Variants in USP46 observed in about 807,000 individuals in gnomAD.
USP46 encodes the protein ubiquitin carboxyl-terminal hydrolase 46.
A neutral mutation model predicts 44.4 loss-of-function variants in USP46; 12 were observed. That is an observed-to-expected ratio of 0.27 (90% confidence interval 0.17 to 0.44). The LOEUF (loss-of-function observed/expected upper bound fraction) is 0.44. USP46 is among the 20% of genes least tolerant of loss of function. USP46 has a pLI of 1.00. For missense variants in USP46, 248 were observed against 444.8 expected (o/e 0.56, Z 3.98); for synonymous variants, 155 against 161.5 (o/e 0.96, Z 0.31).
intron 1 of USP46, chr4:52,656,165 A>G: frequency 1.2e-6 from 1 of 840,674 alleles, no homozygotes; most frequent in South Asian, 1.6e-5. Context: ...GTGCTTAAGA[A>G]AAAAATGCAA....
intron 4 of USP46, among the ~76,000 whole-genome samples, chr4:52,619,897 G>GA (rs1308286946): frequency 6.6e-6 from 1 of 152,148 alleles, no homozygotes; most frequent in Non-Finnish European, 1.5e-5. Context: ...TAACTCCAGA[G>GA]AAAAAACACT....
chr4:52,601,713 T>C, intron 7 of USP46, 144 bp downstream of exon 7: 1 of 693,062 alleles, frequency 1.4e-6, no homozygotes, highest in Non-Finnish European at 2.2e-6. Flanking sequence ...TGTTTATATA[T>C]TTTTTGTGAT....
chr4:52,610,364 C>T (rs534225128), intron 5 of USP46, among the ~76,000 whole-genome samples, 177 bp downstream of exon 5: 1 of 152,058 alleles, frequency 6.6e-6, no homozygotes, highest in Non-Finnish European at 1.5e-5. Flanking sequence ...GCTCTTTTTT[C>T]TCAGTGGGAC....
intron 1 of USP46, chr4:52,658,262 CCAAGGG>C (rs1352589034): frequency 8.8e-6 from 4 of 456,052 alleles, no homozygotes. Flanking sequence ...GCCTGGGGAC[CCAAGGG>C]CTGGAGGTTC....
intron 1 of USP46, among the ~76,000 whole-genome samples, chr4:52,658,499 C>G (rs1026982273): frequency 1.3e-5 from 2 of 152,170 alleles, no homozygotes; most frequent in Non-Finnish European, 2.9e-5. Context: ...CGCCACAGAG[C>G]CTTGTCCCTT....
chr4:52,642,991 C>A (rs539443541), intron 1 of USP46, among the ~76,000 whole-genome samples: 1 of 151,826 alleles, frequency 6.6e-6, no homozygotes, highest in Admixed American at 6.5e-5. Flanking sequence ...TGTAGCTTAT[C>A]TCTTGGTAAC....
intron 1 of USP46, among the ~76,000 whole-genome samples, chr4:52,638,953 T>C (rs965668118): frequency 3.9e-5 from 6 of 152,306 alleles, no homozygotes; most frequent in East Asian, 3.9e-4. Context: ...ACTCTAAGAA[T>C]TGGTTTCCAT....
chr4:52,616,548 T>C (rs1379769368), intron 4 of USP46, among the ~76,000 whole-genome samples: 1 of 152,090 alleles, frequency 6.6e-6, no homozygotes, highest in East Asian at 1.9e-4. Context: ...AATTTTTGTA[T>C]TTTTCGTAGA....
chr4:52,658,278 C>A (rs547837951), intron 1 of USP46: 1 of 456,230 alleles, frequency 2.2e-6, no homozygotes, highest in African/African-American at 2.0e-5. Context: ...GCTGGAGGTT[C>A]TTCCTACAGA....
intron 4 of USP46, among the ~76,000 whole-genome samples, chr4:52,616,096 A>C (rs1338987154): frequency 6.6e-6 from 1 of 152,204 alleles, no homozygotes; most frequent in South Asian, 2.1e-4. Flanking sequence ...AACAACTGCC[A>C]AATATTCTTT....
chr4:52,610,070 C>T (rs904065508), intron 5 of USP46, among the ~76,000 whole-genome samples: 5 of 149,298 alleles, frequency 3.3e-5, no homozygotes, highest in Admixed American at 1.3e-4. Flanking sequence ...GGACTACAGG[C>T]GCGCGCCACC....
intron 1 of USP46, among the ~76,000 whole-genome samples, chr4:52,636,705 CAAAAAAAAA>C (rs1182691689): frequency 2.8e-5 from 1 of 36,148 alleles, no homozygotes. Flanking sequence ...GACTCTGTCT[CAAAAAAAAA>C]AAAAAAAAAA....
chr4:52,630,938 G>A, intron 2 of USP46, 126 bp downstream of exon 2: 1 of 749,862 alleles, frequency 1.3e-6, no homozygotes, highest in Non-Finnish European at 2.2e-6. Context: ...CCCAATATTG[G>A]CATTCTACTA....
At chr4:52,636,218 C>A (rs1268887387) in intron 1 of USP46, among the ~76,000 whole-genome samples, 1 of 152,072 alleles carries the variant, frequency 6.6e-6, no homozygotes. Flanking sequence ...CTCACCCTCA[C>A]TGGCTTTGAA....
chr4:52,608,083 G>A (rs930263516), intron 5 of USP46, among the ~76,000 whole-genome samples: 9 of 152,142 alleles, frequency 5.9e-5, no homozygotes, highest in African/African-American at 2.2e-4. Flanking sequence ...AGGAAGGAAG[G>A]AGGGAAGGAA....
Position 52,595,489 on chromosome 4 carries a change from T to C in USP46, c.*2151A>G, listed in dbSNP as rs892406266. 4 of 152,432 alleles carry C rather than the reference T, an allele frequency of 2.6e-5. No individual in the cohort carries two copies. Among genetic ancestry groups the C allele is most frequent in the Non-Finnish European group, 4.4e-5 (3 of 68,038 alleles). 9.4% of individuals were successfully genotyped at this position (152,432 alleles called of 1,614,324 possible). A position where few individuals can be genotyped will look rare whatever the true frequency, so the allele number is the denominator to read the frequency against. ...CAATATTTTCTTATACTTACCCTTT[T>C]TCGTTCCAAAAATCTATCCATGAAT... On this transcript the variant is annotated 3_prime_UTR_variant, in exon 9 of 9. Coordinates refer to ENST00000441222, the MANE Select transcript of USP46 (RefSeq NM_022832.4).
chr4:52,604,633 G>T (rs749965638), intron 5 of USP46, 49 bp from the exon 6 acceptor site: 3 of 1,293,538 alleles, frequency 2.3e-6, no homozygotes, highest in Admixed American at 2.2e-5. Flanking sequence ...AATCTACTTG[G>T]TATACTATGT....
At chr4:52,656,175 A>G in intron 1 of USP46, 1 of 912,442 alleles carries the variant, frequency 1.1e-6, no homozygotes, top group Non-Finnish European at 1.7e-6. Flanking sequence ...AAAAAATGCA[A>G]TCACCATTTG....
chr4:52,619,072 T>C (rs2109619420), intron 4 of USP46, among the ~76,000 whole-genome samples: 1 of 152,156 alleles, frequency 6.6e-6, no homozygotes, highest in South Asian at 2.1e-4. Context: ...TAACAAATCT[T>C]ACGAACCAAA....
Sources: gnomAD v4.1 joint callset for allele counts (sites outside exome capture counted in the v4.1 genomes callset) on GRCh38, gnomAD v4.1.1 for gene constraint, MANE v1.5 for transcripts, NCBI Gene and HGNC (gene_info 2026-07-23, HGNC 2026-07-21) for gene names.